Variants in CDK6 observed in about 807,000 individuals in gnomAD.
CDK6 encodes cyclin dependent kinase 6, also known as cyclin-dependent kinase 6.
A neutral mutation model predicts 37.1 loss-of-function variants in CDK6; 6 were observed. The observed-to-expected ratio is 0.16, with a 90% CI of 0.09 to 0.32. CDK6 has a LOEUF of 0.32. CDK6 is among the 10% of genes least tolerant of loss of function. The probability of loss-of-function intolerance (pLI) is 1.00; values close to 1 mark genes in which losing one functional copy is unlikely to be tolerated. For synonymous variants in CDK6, 160 were observed against 161.3 expected, an observed-to-expected ratio of 0.99 and a Z score of 0.06; for missense variants, 224 against 418.9, an observed-to-expected ratio of 0.53 and a Z score of 4.06.
chr7:92,804,002 T>C (rs1800658736), intron 2 of CDK6, among the ~76,000 whole-genome samples: 1 of 152,214 alleles, frequency 6.6e-6, no homozygotes, highest in Non-Finnish European at 1.5e-5. Context: ...GAGTCACTTC[T>C]CCACTGGTTT....
intron 2 of CDK6, among the ~76,000 whole-genome samples, chr7:92,807,314 G>A (rs1449646918): frequency 6.6e-6 from 1 of 151,732 alleles, no homozygotes; most frequent in African/African-American, 2.4e-5. Context: ...TATATCTAGA[G>A]ATATCTATAT....
rs1231264972 is a variant in CDK6, at chr7:92,609,915, A to C, written c.*5225T>G. On this transcript the variant is annotated 3_prime_UTR_variant, in exon 8 of 8. Transcript: ENST00000424848. ...AATTTATTTGCAGACAATTGTTCAGAACCTAGGTAACAAGTAAAATATTGA... is the reference window on the plus strand; with the variant it reads ...AATTTATTTGCAGACAATTGTTCAGCACCTAGGTAACAAGTAAAATATTGA... 1 of 230,644 alleles carries C rather than the reference A, an allele frequency of 4.3e-6. No homozygotes were observed. The highest frequency in any genetic ancestry group is 8.6e-6 in the Non-Finnish European group (1 of 116,554). The allele number at this position is 230,644 out of a possible 1,614,324, so 14.3% of individuals were successfully genotyped here.
At chr7:92,632,680 GGTACTGT>G (rs1483130862) in intron 5 of CDK6, among the ~76,000 whole-genome samples, 3 of 151,724 alleles carry the variant, frequency 2.0e-5, no homozygotes, top group Admixed American at 6.6e-5. Flanking sequence ...ATTCATCATG[GGTACTGT>G]TAAAAATAAC....
chr7:92,630,742 C>T (rs986503339), intron 5 of CDK6, among the ~76,000 whole-genome samples: 1 of 152,150 alleles, frequency 6.6e-6, no homozygotes, highest in African/African-American at 2.4e-5. Flanking sequence ...AACCCTTCTG[C>T]TCCCTTGTGG....
chr7:92,725,536 G>A, intron 4 of CDK6, 90 bp downstream of exon 4: 2 of 1,351,774 alleles, frequency 1.5e-6, no homozygotes, highest in South Asian at 1.4e-5. Context: ...GTCATGGGCA[G>A]TACTAACATT....
intron 2 of CDK6, among the ~76,000 whole-genome samples, chr7:92,811,449 C>T (rs1464648340): frequency 2.6e-5 from 4 of 152,018 alleles, no homozygotes; most frequent in African/African-American, 9.7e-5. Flanking sequence ...TGGCCTTTGA[C>T]TCTCAGAAGG....
At chr7:92,703,991 C>A (rs992159507) in intron 4 of CDK6, among the ~76,000 whole-genome samples, 1 of 152,142 alleles carries the variant, frequency 6.6e-6, no homozygotes. Context: ...TCTTGCTTTC[C>A]TTGGACAGAC....
intron 2 of CDK6, among the ~76,000 whole-genome samples, chr7:92,793,039 G>A (rs557260790): frequency 6.6e-6 from 1 of 152,012 alleles, no homozygotes; most frequent in South Asian, 2.1e-4. Flanking sequence ...AACAAAATAC[G>A]TATAAATTTA....
chr7:92,637,150 G>A (rs952114125), intron 5 of CDK6, among the ~76,000 whole-genome samples: 1 of 152,178 alleles, frequency 6.6e-6, no homozygotes, highest in Non-Finnish European at 1.5e-5. Context: ...CTGTACTTAA[G>A]ACTATGTGGC....
intron 5 of CDK6, among the ~76,000 whole-genome samples, chr7:92,623,984 ATC>A (rs1298473468): frequency 6.6e-6 from 1 of 152,148 alleles, no homozygotes; most frequent in Non-Finnish European, 1.5e-5. Flanking sequence ...CAGGTATCAT[ATC>A]TCTTTTTATA....
At chr7:92,677,213 T>A (rs1055444153) in intron 4 of CDK6, among the ~76,000 whole-genome samples, 5 of 152,238 alleles carry the variant, frequency 3.3e-5, no homozygotes, top group Non-Finnish European at 5.9e-5. Flanking sequence ...TTTGGTTCAA[T>A]CTTTGAGGAA....
intron 5 of CDK6, among the ~76,000 whole-genome samples, chr7:92,648,710 A>G (rs1041698272): frequency 6.6e-6 from 1 of 152,238 alleles, no homozygotes; most frequent in Non-Finnish European, 1.5e-5. Flanking sequence ...CCAAGTGACC[A>G]TCTATAAGAT....
At chr7:92,651,848 G>A (rs73710424) in intron 5 of CDK6, among the ~76,000 whole-genome samples, 264 of 152,124 alleles carry the variant, frequency 1.7e-3, no homozygotes, top group African/African-American at 5.9e-3. Context: ...TCTTGGAGAG[G>A]GGCAGGGGCA....
At chr7:92,772,433 G>C (rs1215559856) in intron 3 of CDK6, among the ~76,000 whole-genome samples, 3 of 151,710 alleles carry the variant, frequency 2.0e-5, no homozygotes, top group Non-Finnish European at 4.4e-5. Context: ...ATCAAGGGGT[G>C]CTGATCCTAA....
At chr7:92,729,063 C>A (rs1798581100) in intron 3 of CDK6, among the ~76,000 whole-genome samples, 1 of 151,978 alleles carries the variant, frequency 6.6e-6, no homozygotes, top group Non-Finnish European at 1.5e-5. Flanking sequence ...AGATATAGTC[C>A]CAATTCCAGA....
intron 4 of CDK6, among the ~76,000 whole-genome samples, chr7:92,695,899 A>T (rs1797707462): frequency 6.6e-6 from 1 of 152,246 alleles, no homozygotes; most frequent in Admixed American, 6.5e-5. Context: ...CACAAAGGAA[A>T]TACCTTTCTT....
At chr7:92,642,269 T>G (rs1045560734) in intron 5 of CDK6, among the ~76,000 whole-genome samples, 7 of 152,192 alleles carry the variant, frequency 4.6e-5, no homozygotes, top group African/African-American at 1.7e-4. Flanking sequence ...ACTTTCATGC[T>G]CAGCCTTTTG....
intron 3 of CDK6, among the ~76,000 whole-genome samples, chr7:92,768,083 G>C (rs1799626272): frequency 6.6e-6 from 1 of 152,074 alleles, no homozygotes; most frequent in South Asian, 2.1e-4. Context: ...AAAGAATCTT[G>C]GGACTCAGGT....
intron 2 of CDK6, among the ~76,000 whole-genome samples, chr7:92,824,162 C>T (rs1473807585): frequency 2.7e-5 from 4 of 150,552 alleles, no homozygotes; most frequent in Admixed American, 2.7e-4. Context: ...AAAGCAAATT[C>T]ACTAAAGATT....
Sources: allele counts gnomAD v4.1 joint callset (sites outside exome capture counted in the v4.1 genomes callset), GRCh38; gene constraint gnomAD v4.1.1; transcripts MANE v1.5; gene names NCBI Gene and HGNC (gene_info 2026-07-23, HGNC 2026-07-21).